Variants in CAPN2 observed in about 807,000 individuals in gnomAD.
CAPN2 encodes calpain-2 catalytic subunit.
CAPN2 carries 92 observed loss-of-function variants against 102.3 expected under a neutral mutation model. The observed-to-expected ratio is 0.90, with a 90% CI of 0.76 to 1.07. The LOEUF is 1.07. CAPN2 is among the 50% of genes least tolerant of loss of function. CAPN2 has a pLI of 0.00. For missense variants in CAPN2, 800 were observed against 909.4 expected, an observed-to-expected ratio of 0.88 and a Z score of 1.55; for synonymous variants, 340 against 355.4, an observed-to-expected ratio of 0.96 and a Z score of 0.49.
intron 4 of CAPN2, 28 bp downstream of exon 4, chr1:223,745,467 T>C: frequency 6.2e-7 from 1 of 1,613,794 alleles, no homozygotes; most frequent in Non-Finnish European, 8.5e-7. Context: ...CCTGGCCCCA[T>C]GGCCTTCCCC....
intron 2 of CAPN2, among the ~76,000 whole-genome samples, chr1:223,719,488 G>C (rs1249434794): frequency 6.6e-6 from 1 of 152,160 alleles, no homozygotes. Context: ...GCAGTGAGTA[G>C]AGATGGCACC....
At chr1:223,719,576 A>G (rs913867475) in intron 2 of CAPN2, among the ~76,000 whole-genome samples, 1 of 152,096 alleles carries the variant, frequency 6.6e-6, no homozygotes, top group Non-Finnish European at 1.5e-5. Flanking sequence ...AAACACAGCA[A>G]CTGCCTAACA....
chr1:223,707,798 T>C (rs1162417594), upstream of CAPN2, among the ~76,000 whole-genome samples: 1 of 152,184 alleles, frequency 6.6e-6, no homozygotes, highest in Admixed American at 6.5e-5. Flanking sequence ...GCTTCTGAGT[T>C]GACTGGAATG....
At chr1:223,749,739 A>G (rs1356678052) in intron 6 of CAPN2, among the ~76,000 whole-genome samples, 1 of 152,180 alleles carries the variant, frequency 6.6e-6, no homozygotes, top group Non-Finnish European at 1.5e-5. Flanking sequence ...TTATGGGCTG[A>G]CATGGTGGCT....
At position 223,743,411 on chromosome 1, in the gene CAPN2, C is replaced by T. The variant is rs376363406; in HGVS notation, c.308-689C>T. 1.4e-4 allele frequency among the ~76,000 whole-genome samples: 21 copies of T among 152,230 alleles called. 1 individual carries two copies. In the East Asian group the frequency reaches 4.0e-3, roughly 29 times the overall value. ...TCTTTTCCTGGCTCTGACCTTCCTC[C>T]TAGGAGGCGTGCAACGTTTGTCCCC... On this transcript the variant is annotated intron_variant, in intron 2 of 20. Coordinates refer to ENST00000295006, the MANE Select transcript of CAPN2 (RefSeq NM_001748.5).
rs1661021166 is a variant in CAPN2, at chr1:223,755,799, C to T, written c.1305+150C>T. The T allele has an allele frequency of 3.8e-6, 3 of 789,604 alleles. No homozygotes were observed. Among genetic ancestry groups the T allele is most frequent in the Non-Finnish European group, 5.8e-6 (3 of 515,878 alleles). The allele number at this position is 789,604 out of a possible 1,614,324, so 48.9% of individuals were successfully genotyped here. The stretch of plus-strand genomic sequence containing the variant: ...ACAAAACTACCAGCCTGGCCAGGCT[C>T]AGGAGTAGCCCCCGTAGGGAGGCCC... On this transcript the variant is annotated intron_variant, in intron 10 of 20. Transcript: ENST00000295006. This position sits in a 1 kb window ranked among gnomAD's most constrained non-coding sequence, Gnocchi z 4.1.
intron 2 of CAPN2, among the ~76,000 whole-genome samples, chr1:223,720,015 A>C (rs1205711878): frequency 1.3e-5 from 2 of 152,270 alleles, no homozygotes; most frequent in Admixed American, 1.3e-4. Context: ...CCTCACAAGC[A>C]CCAGGAACAG....
intron 6 of CAPN2, 151 bp downstream of exon 6, chr1:223,749,273 AAGGGCGTCCCTT>A: frequency 1.5e-6 from 1 of 662,480 alleles, no homozygotes; most frequent in Non-Finnish European, 2.6e-6. Context: ...GCGGGAGGAG[AAGGGCGTCCCTT>A]TCGCAGCTCG....
chr1:223,774,831 C>G lies in CAPN2; in HGVS notation c.2080-3C>G, dbSNP rs777995915. The G allele has an allele frequency of 1.9e-5, 31 of 1,612,430 alleles. 1 individual carries two copies. In the South Asian group the frequency reaches 3.4e-4, roughly 18 times the overall value. ...GCTGACTTTTTTTTTTCCTTCCTCA[C>G]AGTGGCTCTGTTTCTCAGTACTTTG... On this transcript the variant is annotated splice_region_variant and splice_polypyrimidine_tract_variant and intron_variant, in intron 20 of 20. Transcript: ENST00000295006.
intron 2 of CAPN2, among the ~76,000 whole-genome samples, chr1:223,739,915 A>T (rs1373122992): frequency 6.6e-6 from 1 of 152,224 alleles, no homozygotes; most frequent in Non-Finnish European, 1.5e-5. Flanking sequence ...GGCTTATTTT[A>T]TCCGGACCAG....
intron 2 of CAPN2, among the ~76,000 whole-genome samples, chr1:223,729,499 T>G (rs1010168376): frequency 6.6e-6 from 1 of 152,208 alleles, no homozygotes; most frequent in Admixed American, 6.5e-5. Context: ...AAGGAGGTCC[T>G]GAGAACCTGT....
intron 18 of CAPN2, chr1:223,771,582 G>GTA: frequency 2.0e-6 from 1 of 497,492 alleles, no homozygotes. Flanking sequence ...AAACACTTAT[G>GTA]TGTCAGCAAA....
intron 8 of CAPN2, among the ~76,000 whole-genome samples, chr1:223,752,533 A>G (rs551200164): frequency 6.6e-6 from 1 of 152,310 alleles, no homozygotes; most frequent in East Asian, 1.9e-4. Context: ...GTCACATTTG[A>G]TGGGCACGGC....
intron 2 of CAPN2, among the ~76,000 whole-genome samples, chr1:223,728,910 G>A (rs1417460477): frequency 6.6e-6 from 1 of 152,144 alleles, no homozygotes; most frequent in Non-Finnish European, 1.5e-5. Context: ...AGCTTTACTG[G>A]GCATCTGTTA....
rs1473434547 is a variant in CAPN2 at position 223,725,333 on chromosome 1, T to A, written c.307+7502T>A. ...GAGAGGTGGAGGTTGCAGTGAGCCA[T>A]GATCGCACCACTGCACTCCATCCTG... On this transcript the variant is annotated intron_variant, in intron 2 of 20. Coordinates refer to ENST00000295006, the MANE Select transcript of CAPN2 (RefSeq NM_001748.5). This position sits in a 1 kb window ranked among gnomAD's most constrained non-coding sequence, Gnocchi z 4.1. Among the ~76,000 whole-genome samples the A allele has an allele frequency of 6.6e-6, 1 of 151,538 alleles. No homozygotes were observed. The highest frequency in any genetic ancestry group is 3.2e-3 in the Middle Eastern group (1 of 314).
intron 15 of CAPN2, among the ~76,000 whole-genome samples, chr1:223,766,111 T>TGTTA (rs1381214144): frequency 6.6e-6 from 1 of 152,256 alleles, no homozygotes; most frequent in Admixed American, 6.5e-5. Context: ...TTGATCATTC[T>TGTTA]GTTATTTATT....
intron 11 of CAPN2, chr1:223,757,634 T>G: frequency 1.8e-6 from 1 of 548,850 alleles, no homozygotes; most frequent in Admixed American, 3.1e-5. Flanking sequence ...ATACAGGGTT[T>G]GGTTCTGGGC....
At chr1:223,732,619 C>T (rs1327281822) in intron 2 of CAPN2, among the ~76,000 whole-genome samples, 1 of 152,144 alleles carries the variant, frequency 6.6e-6, no homozygotes, top group Non-Finnish European at 1.5e-5. Flanking sequence ...TGACCTGTAT[C>T]TTGTGCCGAC....
intron 20 of CAPN2, 78 bp from the exon 21 acceptor site, chr1:223,774,756 A>C (rs1661570419): frequency 7.5e-7 from 1 of 1,324,670 alleles, no homozygotes. Flanking sequence ...AGTTTTTTGG[A>C]ACAATCTACA....
Sources: gnomAD v4.1 joint callset for allele counts (sites outside exome capture counted in the v4.1 genomes callset) on GRCh38, gnomAD v4.1.1 for gene constraint, Gnocchi (gnomAD v3.1) non-coding constraint, MANE v1.5 for transcripts, NCBI Gene and HGNC (gene_info 2026-07-23, HGNC 2026-07-21) for gene names.